TDRD9: variants seen among roughly 807,000 people sequenced by gnomAD.
TDRD9 encodes ATP-dependent RNA helicase TDRD9.
In TDRD9, 124 loss-of-function variants were observed where a neutral mutation model predicts 172.6. The observed-to-expected ratio is 0.72, with a 90% confidence interval of 0.62 to 0.83. The LOEUF (loss-of-function observed/expected upper bound fraction) is 0.83, where lower values mean the gene tolerates loss of function less well. TDRD9 is among the 40% of genes least tolerant of loss of function. The pLI is 0.00. For missense variants in TDRD9, 1,479 were observed against 1,714.1 expected (o/e 0.86, Z 2.42); for synonymous variants, 619 against 617.1 (o/e 1.00, Z -0.05).
intron 8 of TDRD9, among the ~76,000 whole-genome samples, chr14:103,987,353 C>T (rs1015081399): frequency 6.6e-6 from 1 of 152,144 alleles, no homozygotes; most frequent in Non-Finnish European, 1.5e-5. Context: ...CTTTTTAGCG[C>T]TAAATTCCAT....
At chr14:103,953,212 C>G (rs930324477) in intron 1 of TDRD9, among the ~76,000 whole-genome samples, 1 of 152,192 alleles carries the variant, frequency 6.6e-6, no homozygotes, top group Non-Finnish European at 1.5e-5. Context: ...CCCAGCTCCT[C>G]CCTGATACTT....
Position 104,026,819 on chromosome 14 carries a change from G to A in TDRD9, c.3162G>A (p.Val1054=), listed in dbSNP as rs2035136127. The change falls in exon 28 of 36, where the codon GTG becomes GTA. Residue 1054 remains valine, a synonymous_variant. Transcript: ENST00000409874. The part of the protein sequence containing the change: ...CTLLVKVFSV[V]HSVLHVDVYQ... ...TCCTTGTGAAGGTCTTCTCTGTGGT[G>A]CACAGCGTCCTGCACGTGGATGTGT... The A allele has an allele frequency of 1.2e-6, 2 of 1,613,930 alleles. No homozygotes were observed. The highest frequency in any genetic ancestry group is 2.2e-5 in the East Asian group (1 of 44,900).
At chr14:103,952,729 C>CTTTTTTTTT (rs68192057) in intron 1 of TDRD9, among the ~76,000 whole-genome samples, 1 of 72,314 alleles carries the variant, frequency 1.4e-5, no homozygotes, top group Non-Finnish European at 2.3e-5. Context: ...AATTCTCTCT[C>CTTTTTTTTT]TTTTTTTTTT....
At position 104,035,033 on chromosome 14, in the gene TDRD9, A is replaced by G; in HGVS notation, c.3693A>G (p.Leu1231=). Residue 1231 remains leucine, a synonymous_variant, in exon 32 of 36, where the codon TTA becomes TTG. Transcript: ENST00000409874. ...GCCTCCCGGCTCTCCTCAGCATGTT[A>G]TTCGCACCGGTGATAGAGTTAAGGT... ...IPGLPALLSM[L]FAPVIELRID... is the part of the protein sequence containing the mutation. 1 of 1,551,590 alleles carries G rather than the reference A, an allele frequency of 6.4e-7. No homozygotes were observed. Among genetic ancestry groups the G allele is most frequent in the Non-Finnish European group, 8.7e-7 (1 of 1,146,872 alleles).
rs149237435 is a variant in TDRD9 at position 103,979,162 on chromosome 14, T to G, written c.1011+3609T>G. 7.3e-3 allele frequency among the ~76,000 whole-genome samples: 1,106 copies of G among 152,334 alleles called. 6 individuals carry two copies. Among genetic ancestry groups the G allele is most frequent in the South Asian group, 0.032 (153 of 4,824 alleles). On this transcript the variant is annotated intron_variant, in intron 7 of 35. Transcript: ENST00000409874. ...GGTATTTAACTTTCTGTTCCTGGCT[T>G]ATTTCACTTAACATAATGTCCTCCA...
chr14:103,973,374 C>T (rs540619721), intron 6 of TDRD9, among the ~76,000 whole-genome samples: 49 of 152,254 alleles, frequency 3.2e-4, no homozygotes, highest in African/African-American at 1.1e-3. Context: ...CCTTTCCTCT[C>T]CCCCCAACCT....
intron 35 of TDRD9, among the ~76,000 whole-genome samples, chr14:104,050,708 C>T (rs907350430): frequency 6.6e-6 from 1 of 152,200 alleles, no homozygotes; most frequent in African/African-American, 2.4e-5. Flanking sequence ...GGCAGCCGGC[C>T]CCATTGTGTG....
In TDRD9 at chr14:103,955,738, T is replaced by TGTGTCGCA; in HGVS notation, c.296_303dup (p.Gln102AlafsTer18). 1 of 1,551,370 alleles carries TGTGTCGCA rather than the reference T, an allele frequency of 6.4e-7. No individual in the cohort carries two copies. Among genetic ancestry groups the TGTGTCGCA allele is most frequent in the South Asian group, 1.2e-5 (1 of 84,046 alleles). On this transcript the variant is annotated frameshift_variant, in exon 2 of 36. Transcript: ENST00000409874. LOFTEE classifies it high-confidence loss of function. ...CAGCTCGAAGCACAAGAGCTTGATG[T>TGTGTCGCA]GTGTCGCAGTGTCCAACCAACCAGT...
intron 7 of TDRD9, among the ~76,000 whole-genome samples, chr14:103,978,740 T>C (rs1167434232): frequency 1.3e-5 from 2 of 152,242 alleles, no homozygotes; most frequent in African/African-American, 4.8e-5. Context: ...GGGTATACAC[T>C]ATCAACATGA....
chr14:104,044,217 C>T (rs2035697562), intron 34 of TDRD9, among the ~76,000 whole-genome samples: 1 of 152,180 alleles, frequency 6.6e-6, no homozygotes, highest in South Asian at 2.1e-4. Flanking sequence ...CAGCCAGGGT[C>T]TGACTGTGTG....
At chr14:103,991,307 A>G (rs560464933) in intron 9 of TDRD9, 83 bp downstream of exon 9, 2 of 1,395,666 alleles carry the variant, frequency 1.4e-6, no homozygotes, top group East Asian at 2.3e-5. Context: ...ATTATGAAAG[A>G]TGGTATTCTC....
intron 1 of TDRD9, among the ~76,000 whole-genome samples, chr14:103,951,532 A>G (rs185496512): frequency 1.3e-5 from 2 of 152,218 alleles, no homozygotes; most frequent in African/African-American, 4.8e-5. Flanking sequence ...TTAAATCTGC[A>G]CTTTCTAAAT....
At chr14:103,942,776 A>T (rs2031315443) in intron 1 of TDRD9, among the ~76,000 whole-genome samples, 1 of 152,232 alleles carries the variant, frequency 6.6e-6, no homozygotes, top group Admixed American at 6.5e-5. Context: ...AAGAATGCTG[A>T]TGTGAATTAT....
intron 20 of TDRD9, among the ~76,000 whole-genome samples, chr14:104,009,847 C>T (rs1057058326): frequency 1.3e-5 from 2 of 152,118 alleles, no homozygotes. Flanking sequence ...CTCATAGAAG[C>T]CTTGACTTCC....
At position 103,947,485 on chromosome 14, in the gene TDRD9, G is replaced by A. The variant is rs569905427; in HGVS notation, c.216-8179G>A. 6.6e-5 allele frequency among the ~76,000 whole-genome samples: 10 copies of A among 151,878 alleles called. No homozygotes were observed. In the South Asian group the frequency reaches 1.7e-3, roughly 25 times the overall value. On this transcript the variant is annotated intron_variant, in intron 1 of 35. Coordinates refer to ENST00000409874, the MANE Select transcript of TDRD9 (RefSeq NM_153046.3). ...TGGGACTACAGGCGCCCGCCACCAC[G>A]CCCGGCTAATTTTTTTGTATTTTTA...
intron 14 of TDRD9, 153 bp from the exon 15 acceptor site, chr14:104,005,121 C>T: frequency 1.6e-6 from 1 of 611,416 alleles, no homozygotes; most frequent in East Asian, 2.9e-5. Flanking sequence ...TTCTCTCTCC[C>T]TTCTCTTCTC....
chr14:103,938,430 A>AT (rs1566723244), intron 1 of TDRD9, among the ~76,000 whole-genome samples: 8 of 39,904 alleles, frequency 2.0e-4, no homozygotes, highest in East Asian at 9.2e-4. Flanking sequence ...ATATATATAT[A>AT]TATATATATA....
chr14:104,001,722 C>T (rs1279798252), intron 13 of TDRD9, among the ~76,000 whole-genome samples: 1 of 152,124 alleles, frequency 6.6e-6, no homozygotes, highest in African/African-American at 2.4e-5. Flanking sequence ...AATTCTCCTG[C>T]CTCAGCCTCC....
At chr14:103,965,697 C>A in intron 4 of TDRD9, 143 bp downstream of exon 4, 1 of 765,008 alleles carries the variant, frequency 1.3e-6, no homozygotes, top group Non-Finnish European at 2.1e-6. Context: ...GTAATCCCAG[C>A]ACTTTGGGAG....
Sources: allele counts gnomAD v4.1 joint callset (sites outside exome capture counted in the v4.1 genomes callset), GRCh38; gene constraint gnomAD v4.1.1; transcripts MANE v1.5; gene names NCBI Gene and HGNC (gene_info 2026-07-23, HGNC 2026-07-21).